The following STX7 variants were observed in gnomAD, a reference collection of about 807,000 sequenced individuals.
STX7 encodes syntaxin-7.
In STX7, 34 loss-of-function variants were observed where a neutral mutation model predicts 39.6. The observed-to-expected ratio is 0.86, with a 90% CI of 0.65 to 1.14. The LOEUF (loss-of-function observed/expected upper bound fraction) is 1.14. STX7 is among the 50% of genes most tolerant of loss of function. STX7 has a pLI of 0.00. For synonymous variants in STX7, 119 were observed against 99.1 expected, an observed-to-expected ratio of 1.20 and a Z score of -1.19; for missense variants, 284 against 310.4, an observed-to-expected ratio of 0.92 and a Z score of 0.64.
chr6:132,465,553 A>C (rs887657413), intron 8 of STX7, among the ~76,000 whole-genome samples: 4 of 152,132 alleles, frequency 2.6e-5, no homozygotes, highest in African/African-American at 9.7e-5. Flanking sequence ...ACTGTGTTTC[A>C]CTTTAAAGTC....
At chr6:132,463,492 T>C (rs917968844) in intron 9 of STX7, among the ~76,000 whole-genome samples, 1 of 152,216 alleles carries the variant, frequency 6.6e-6, no homozygotes, top group Non-Finnish European at 1.5e-5. Flanking sequence ...GTGAAGGGTC[T>C]GCTGAATGTG....
Position 132,447,200 on chromosome 6 carries a change from GGAAA to G in STX7, c.*13554_*13557del, listed in dbSNP as rs1297936472. On this transcript the variant is annotated 3_prime_UTR_variant, in exon 10 of 10. Coordinates refer to ENST00000367941, the MANE Select transcript of STX7 (RefSeq NM_003569.3). ...CCTAAGATGGAACTTACTGTGTAGTGGAAAGAGTTAGACTCACTAGACATTGATT... is the reference window on the plus strand; with the variant it reads ...CCTAAGATGGAACTTACTGTGTAGTGGAGTTAGACTCACTAGACATTGATT... 6.6e-6 allele frequency: 1 copy of G among 152,166 alleles called. No homozygotes were observed. Among genetic ancestry groups the G allele is most frequent in the African/African-American group, 2.4e-5 (1 of 41,446 alleles). The allele number at this position is 152,166 out of a possible 1,614,324, so 9.4% of individuals were successfully genotyped here. A position where few individuals can be genotyped will look rare whatever the true frequency, so the allele number is the denominator to read the frequency against.
chr6:132,511,197 C>A (rs1775838366), intron 1 of STX7, among the ~76,000 whole-genome samples: 1 of 152,184 alleles, frequency 6.6e-6, no homozygotes, highest in African/African-American at 2.4e-5. Context: ...ACACACCCAG[C>A]GTGAGGGTAA....
At position 132,451,263 on chromosome 6, in the gene STX7, T is replaced by C. The variant is rs1582636905; in HGVS notation, c.*9495A>G. 1 of 152,102 alleles carries C rather than the reference T, an allele frequency of 6.6e-6. No homozygotes were observed. The highest frequency in any genetic ancestry group is 2.4e-5 in the African/African-American group (1 of 41,416). The allele number at this position is 152,102 out of a possible 1,614,324, so 9.4% of individuals were successfully genotyped here. On this transcript the variant is annotated 3_prime_UTR_variant, in exon 10 of 10. Coordinates refer to ENST00000367941, the MANE Select transcript of STX7 (RefSeq NM_003569.3). ...AGATGTGCACCACCATGCCGGCTAATTTTTGTATTTTTAGTAGAGGCGGGG... is the reference window on the plus strand; with the variant it reads ...AGATGTGCACCACCATGCCGGCTAACTTTTGTATTTTTAGTAGAGGCGGGG...
Position 132,448,282 on chromosome 6 carries a change from T to A in STX7, c.*12476A>T, listed in dbSNP as rs1276980970. The A allele has an allele frequency of 2.0e-5, 3 of 152,182 alleles. No individual in the cohort carries two copies. The highest frequency in any genetic ancestry group is 7.2e-5 in the African/African-American group (3 of 41,456). 9.4% of individuals were successfully genotyped at this position (152,182 alleles called of 1,614,324 possible). The stretch of plus-strand genomic sequence containing the variant: ...AGACAGTATTTATTTACATTTCCCA[T>A]GATTACTGATTTTTTAGCTCACCAT... On this transcript the variant is annotated 3_prime_UTR_variant, in exon 10 of 10. Coordinates refer to ENST00000367941, the MANE Select transcript of STX7 (RefSeq NM_003569.3).
intron 7 of STX7, 94 bp from the exon 8 acceptor site, chr6:132,468,569 A>G: frequency 1.4e-6 from 1 of 737,808 alleles, no homozygotes; most frequent in Non-Finnish European, 2.3e-6. Flanking sequence ...CTACTCACAC[A>G]TGGGTGAGCA....
At chr6:132,501,734 G>T (rs151338071) in intron 2 of STX7, among the ~76,000 whole-genome samples, 100 of 152,180 alleles carry the variant, frequency 6.6e-4, no homozygotes, top group African/African-American at 1.7e-3. Context: ...TTGGAGAAAG[G>T]CCTCTTGGCC....
chr6:132,503,872 C>A (rs1775638170), intron 1 of STX7, among the ~76,000 whole-genome samples: 1 of 152,154 alleles, frequency 6.6e-6, no homozygotes, highest in Non-Finnish European at 1.5e-5. Flanking sequence ...ATTATTAAAT[C>A]CCTTACCTGT....
At chr6:132,481,313 A>G (rs1216311304) in intron 2 of STX7, among the ~76,000 whole-genome samples, 2 of 152,180 alleles carry the variant, frequency 1.3e-5, no homozygotes, top group African/African-American at 4.8e-5. Context: ...AAGTAGCACC[A>G]CAGAGCCAAT....
intron 2 of STX7, among the ~76,000 whole-genome samples, chr6:132,480,760 G>C (rs1205928109): frequency 1.3e-5 from 2 of 152,238 alleles, no homozygotes; most frequent in Admixed American, 1.3e-4. Context: ...CTGAAAGAAG[G>C]CAAGAGGAAA....
At chr6:132,479,024 T>A (rs975181957) in intron 2 of STX7, among the ~76,000 whole-genome samples, 3 of 152,206 alleles carry the variant, frequency 2.0e-5, no homozygotes, top group Non-Finnish European at 2.9e-5. Flanking sequence ...TACTCTTAGA[T>A]GCCTGCAAAG....
chr6:132,469,785 G>A (rs1774664824), intron 7 of STX7, among the ~76,000 whole-genome samples, 166 bp downstream of exon 7: 1 of 152,172 alleles, frequency 6.6e-6, no homozygotes, highest in South Asian at 2.1e-4. Flanking sequence ...GTTGCAGTGA[G>A]CCGAGATTCC....
rs186275344 is a variant in STX7, at chr6:132,483,401, A to G, written c.86-7739T>C. Among the ~76,000 whole-genome samples, 189 of 152,256 alleles carry G rather than the reference A, an allele frequency of 1.2e-3. 1 individual carries two copies. Among genetic ancestry groups the G allele is most frequent in the African/African-American group, 4.3e-3 (179 of 41,524 alleles). On this transcript the variant is annotated intron_variant, in intron 2 of 9. Coordinates refer to ENST00000367941, the MANE Select transcript of STX7 (RefSeq NM_003569.3). ...ATCCATGCAGAATCCATGGAAAAGGAGGGCCTACTGCAGTCACTGCATTAA... is the reference window on the plus strand; with the variant it reads ...ATCCATGCAGAATCCATGGAAAAGGGGGGCCTACTGCAGTCACTGCATTAA...
chr6:132,503,638 C>A (rs1034374777), intron 1 of STX7, 50 bp from the exon 2 acceptor site: 6 of 772,576 alleles, frequency 7.8e-6, no homozygotes, highest in Non-Finnish European at 1.2e-5. Context: ...TACTGGCTTA[C>A]ATTTTCCAAA....
intron 1 of STX7, 36 bp from the exon 2 acceptor site, chr6:132,503,624 A>T: frequency 1.1e-6 from 1 of 931,438 alleles, no homozygotes; most frequent in Admixed American, 2.3e-5. Flanking sequence ...TATATTTTTT[A>T]AGTTACTGGC....
At chr6:132,509,383 C>T (rs1270543405) in intron 1 of STX7, among the ~76,000 whole-genome samples, 5 of 151,768 alleles carry the variant, frequency 3.3e-5, no homozygotes, top group African/African-American at 9.7e-5. Flanking sequence ...ACCCAGGAGG[C>T]GGAGGTTGCA....
Position 132,452,183 on chromosome 6 carries a change from T to C in STX7, c.*8575A>G, listed in dbSNP as rs939739753. On this transcript the variant is annotated 3_prime_UTR_variant, in exon 10 of 10. Transcript: ENST00000367941. ...AAAAAGCATTTGACAAAATTCAACA[T>C]AAAATTCATAATAAAAACTTGCAGA... 3.1e-4 allele frequency: 47 copies of C among 152,030 alleles called. No individual in the cohort carries two copies. Among genetic ancestry groups the C allele is most frequent in the African/African-American group, 1.1e-3 (46 of 41,390 alleles). 9.4% of individuals were successfully genotyped at this position (152,030 alleles called of 1,614,324 possible).
intron 8 of STX7, 67 bp downstream of exon 8, chr6:132,468,336 A>G (rs1197620522): frequency 8.1e-6 from 10 of 1,239,240 alleles, no homozygotes; most frequent in Non-Finnish European, 9.4e-6. Flanking sequence ...CTTCTGTGAG[A>G]AAGTTACAGC....
chr6:132,491,062 TC>T (rs1302247306), intron 2 of STX7, among the ~76,000 whole-genome samples: 2 of 148,572 alleles, frequency 1.3e-5, no homozygotes, highest in Non-Finnish European at 3.0e-5. Flanking sequence ...AATGGGCACT[TC>T]CCTCTCCCTC....
Sources: allele counts gnomAD v4.1 joint callset (sites outside exome capture counted in the v4.1 genomes callset), GRCh38; gene constraint gnomAD v4.1.1; transcripts MANE v1.5; gene names NCBI Gene and HGNC (gene_info 2026-07-23, HGNC 2026-07-21).